Variants in PDE10A observed in about 807,000 individuals in gnomAD.
PDE10A encodes the protein phosphodiesterase 10A.
PDE10A carries 39 observed loss-of-function variants against 97.7 expected under a neutral mutation model. The ratio of observed to expected loss-of-function variants is 0.40; its 90% CI spans 0.31 to 0.52. The LOEUF is 0.52. Among genes scored for constraint, PDE10A ranks in the 20% least tolerant of loss-of-function variants. The pLI is 0.56. For missense variants in PDE10A, 731 were observed against 1,047.8 expected (o/e 0.70, Z 4.17); for synonymous variants, 371 against 376.8 (o/e 0.98, Z 0.18).
In PDE10A at chr6:165,619,449, C is replaced by CTAGTG. The variant is rs1787973342; in HGVS notation, c.865+42493_865+42497dup. Among the ~76,000 whole-genome samples, 3 of 16,398 alleles carry CTAGTG rather than the reference C, an allele frequency of 1.8e-4. 1 individual carries two copies. The highest frequency in any genetic ancestry group is 8.3e-4 in the African/African-American group (2 of 2,414). The allele number at this position is 16,398 out of a possible 152,430, so 10.8% of individuals were successfully genotyped here. On this transcript the variant is annotated intron_variant, in intron 1 of 21. Transcript: ENST00000539869. ...GTAGTATAGTGTAGTGTAGTATAGT[C>CTAGTG]TAGTGTAGTGTAGTCTAGTGTAGTG...
chr6:165,961,960 A>G (rs1414222807), intron 1 of PDE10A, among the ~76,000 whole-genome samples: 1 of 152,224 alleles, frequency 6.6e-6, no homozygotes, highest in Non-Finnish European at 1.5e-5. Context: ...ATTATTTGCC[A>G]ATCCCTACCT....
intron 1 of PDE10A, among the ~76,000 whole-genome samples, chr6:165,590,147 G>A (rs1786162891): frequency 6.6e-6 from 1 of 152,186 alleles, no homozygotes; most frequent in Non-Finnish European, 1.5e-5. Flanking sequence ...ATGAAGACTA[G>A]AAAAGGTTCC....
chr6:165,852,491 C>T (rs1251093509), intron 1 of PDE10A, among the ~76,000 whole-genome samples: 1 of 152,156 alleles, frequency 6.6e-6, no homozygotes, highest in Admixed American at 6.5e-5. Context: ...ATTCAAAATG[C>T]TGAATGAATT....
chr6:165,579,510 T>C (rs1313732779), intron 1 of PDE10A, among the ~76,000 whole-genome samples: 2 of 152,194 alleles, frequency 1.3e-5, no homozygotes, highest in Non-Finnish European at 2.9e-5. Context: ...AGTCCTGTTG[T>C]TGCAAACTTC....
chr6:165,902,473 C>G (rs999305335), intron 1 of PDE10A, among the ~76,000 whole-genome samples: 3 of 152,172 alleles, frequency 2.0e-5, no homozygotes, highest in African/African-American at 7.2e-5. Context: ...GTGGTGCACC[C>G]CTGAAATACT....
At chr6:165,500,567 A>ACTGCGGAAGGCGG (rs57762055) in intron 2 of PDE10A, among the ~76,000 whole-genome samples, 27,803 of 152,124 alleles carry the variant, frequency 0.18, 3,356 homozygotes, top group African/African-American at 0.33. Context: ...GACACAATAC[A>ACTGCGGAAGGCGG]CAGGGACCTC....
chr6:165,774,642 A>C (rs1290072285), intron 1 of PDE10A, among the ~76,000 whole-genome samples: 2 of 148,354 alleles, frequency 1.3e-5, no homozygotes, highest in Non-Finnish European at 3.0e-5. Flanking sequence ...CCTGGAAAAG[A>C]ACTACCAAAT....
At chr6:165,568,538 C>A (rs1214357719) in intron 1 of PDE10A, among the ~76,000 whole-genome samples, 1 of 152,192 alleles carries the variant, frequency 6.6e-6, no homozygotes, top group Non-Finnish European at 1.5e-5. Context: ...CGTCTCCATG[C>A]TGTAGACACT....
intron 19 of PDE10A, among the ~76,000 whole-genome samples, chr6:165,340,555 C>T (rs1484558079): frequency 1.3e-5 from 2 of 152,192 alleles, no homozygotes; most frequent in Admixed American, 1.3e-4. Flanking sequence ...CATACTAAGT[C>T]CCTTGCTCTC....
intron 21 of PDE10A, among the ~76,000 whole-genome samples, chr6:165,333,714 C>T (rs1781476568): frequency 6.6e-6 from 1 of 152,190 alleles, no homozygotes; most frequent in Non-Finnish European, 1.5e-5. Flanking sequence ...GAGGCAGTCT[C>T]ATTTCTCGAG....
At chr6:165,913,273 T>TACACACACACACACAC (rs58740333) in intron 1 of PDE10A, among the ~76,000 whole-genome samples, 23 of 148,012 alleles carry the variant, frequency 1.6e-4, no homozygotes, top group African/African-American at 5.2e-4. Context: ...ACTCAACTTG[T>TACACACACACACACAC]ACACACACAC....
intron 1 of PDE10A, among the ~76,000 whole-genome samples, chr6:165,733,984 A>G (rs969367548): frequency 1.3e-5 from 2 of 152,170 alleles, no homozygotes; most frequent in South Asian, 4.1e-4. Context: ...TTTTGCTTAT[A>G]GAAATGGCAT....
chr6:165,846,893 A>G (rs967318718), intron 1 of PDE10A, among the ~76,000 whole-genome samples: 2 of 152,236 alleles, frequency 1.3e-5, no homozygotes, highest in Non-Finnish European at 2.9e-5. Context: ...CGAAGCTCTC[A>G]GTATTCCTTT....
chr6:165,662,123 G>T lies in PDE10A; in HGVS notation c.689C>A (p.Ser230Tyr), dbSNP rs1363422194. 3.2e-6 allele frequency: 3 copies of T among 951,962 alleles called. No homozygotes were observed. Among genetic ancestry groups the T allele is most frequent in the Non-Finnish European group, 3.8e-6 (3 of 791,560 alleles). The allele number at this position is 951,962 out of a possible 1,614,324, so 59.0% of individuals were successfully genotyped here. The change falls in exon 1 of 22, where the codon TCC becomes TAC. Residue 230 changes from serine (S) to tyrosine (Y), a missense_variant. Ser to Tyr is a moderately radical substitution (Grantham distance 144). Coordinates refer to ENST00000539869, the MANE Select transcript of PDE10A (RefSeq NM_001385079.1). ...PLGQAARRAGSPGFPGAGPGG... is the reference protein window; with the variant it reads ...PLGQAARRAGYPGFPGAGPGG... Reference sequence around the variant, plus strand: ...TGGGCCGGCGCCGGGGAAGCCGGGGGAGCCCGCGCGGCGGGCGGCCTGGCC... The same window carrying T: ...TGGGCCGGCGCCGGGGAAGCCGGGGTAGCCCGCGCGGCGGGCGGCCTGGCC...
intron 1 of PDE10A, among the ~76,000 whole-genome samples, chr6:165,816,494 T>C (rs1186338549): frequency 6.6e-6 from 1 of 152,096 alleles, no homozygotes; most frequent in East Asian, 1.9e-4. Flanking sequence ...AGGGTCTGGG[T>C]TTGCTTGGGT....
At chr6:165,691,063 CTCTCTCTCTCTTTCTCT>C (rs1791258077) in intron 1 of PDE10A, among the ~76,000 whole-genome samples, 1 of 112,172 alleles carries the variant, frequency 8.9e-6, no homozygotes, top group African/African-American at 5.2e-5. Flanking sequence ...TACAGTAATA[CTCTCTCTCTCTTTCTCT>C]CTCTCTCTCT....
At chr6:165,874,160 G>C (rs1182988007) in intron 1 of PDE10A, among the ~76,000 whole-genome samples, 1 of 152,168 alleles carries the variant, frequency 6.6e-6, no homozygotes, top group Non-Finnish European at 1.5e-5. Context: ...AAAAATTGTA[G>C]CACTAATTAC....
At chr6:165,852,685 C>T (rs898560342) in intron 1 of PDE10A, among the ~76,000 whole-genome samples, 3 of 152,198 alleles carry the variant, frequency 2.0e-5, no homozygotes, top group South Asian at 2.1e-4. Flanking sequence ...GATGGTGAGA[C>T]GGCCTTGGTG....
chr6:165,676,048 A>G (rs939697337), intron 1 of PDE10A, among the ~76,000 whole-genome samples: 2 of 152,242 alleles, frequency 1.3e-5, no homozygotes, highest in African/African-American at 2.4e-5. Context: ...CTCCTTAGCC[A>G]TAAAAAGAAG....
Sources: gnomAD v4.1 joint callset for allele counts (sites outside exome capture counted in the v4.1 genomes callset) on GRCh38, gnomAD v4.1.1 for gene constraint, MANE v1.5 for transcripts, NCBI Gene and HGNC (gene_info 2026-07-23, HGNC 2026-07-21) for gene names.